CLDN14: variants seen among roughly 807,000 people sequenced by gnomAD.
CLDN14 encodes claudin-14.
A neutral mutation model predicts 2.1 loss-of-function variants in CLDN14; 2 were observed. The observed-to-expected ratio is 0.96, with a 90% CI of 0.39 to 3.01. CLDN14 has a LOEUF of 3.01. CLDN14 is among the 30% of genes most tolerant of loss of function. The pLI, the probability that CLDN14 is intolerant of heterozygous loss-of-function variation, is 0.09. For missense variants in CLDN14, 298 were observed against 328.0 expected (o/e 0.91, Z 0.71); for synonymous variants, 136 against 154.4 (o/e 0.88, Z 0.88).
intron 1 of CLDN14, among the ~76,000 whole-genome samples, chr21:36,537,860 A>T (rs1413970475): frequency 6.6e-6 from 1 of 152,024 alleles, no homozygotes; most frequent in East Asian, 1.9e-4. Context: ...ATGTTGGTCA[A>T]GCTGGTCTCG....
At chr21:36,567,181 C>G (rs1215218728) in intron 1 of CLDN14, among the ~76,000 whole-genome samples, 1 of 152,218 alleles carries the variant, frequency 6.6e-6, no homozygotes, top group Non-Finnish European at 1.5e-5. Flanking sequence ...TACCCTGCCT[C>G]ACGTTGGAGC....
chr21:36,464,222 C>T (rs1448543038), intron 1 of CLDN14, among the ~76,000 whole-genome samples: 2 of 152,178 alleles, frequency 1.3e-5, no homozygotes, highest in African/African-American at 2.4e-5. Flanking sequence ...TTCCCCTTTG[C>T]CTTCTGCCGT....
chr21:36,528,053 T>C (rs1049562554), intron 1 of CLDN14, among the ~76,000 whole-genome samples: 1 of 152,246 alleles, frequency 6.6e-6, no homozygotes, highest in Non-Finnish European at 1.5e-5. Flanking sequence ...TTAAAAATCT[T>C]AGTAATTTCT....
chr21:36,499,275 G>T lies in CLDN14; in HGVS notation c.-82+11088C>A, dbSNP rs79807401. Among the ~76,000 whole-genome samples, 1 of 152,076 alleles carries T rather than the reference G, an allele frequency of 6.6e-6. No homozygotes were observed. Among genetic ancestry groups the T allele is most frequent in the African/African-American group, 2.4e-5 (1 of 41,414 alleles). Reference sequence around the variant, plus strand: ...CAAGGTTTTTGTTTGTTTGTTTGTCGGTCTTACTCTGTCGCCCAGGCTGGA... The same window carrying T: ...CAAGGTTTTTGTTTGTTTGTTTGTCTGTCTTACTCTGTCGCCCAGGCTGGA... On this transcript the variant is annotated intron_variant, in intron 2 of 2. Transcript: ENST00000342108. The surrounding 1 kb of genome is among the most constrained non-coding windows in gnomAD (Gnocchi z 4.7).
At chr21:36,539,498 A>AGTGTGTG (rs1568874663) in intron 1 of CLDN14, among the ~76,000 whole-genome samples, 32 of 20,574 alleles carry the variant, frequency 1.6e-3, no homozygotes, top group Admixed American at 3.4e-3. Flanking sequence ...GTGTGTGTGC[A>AGTGTGTG]GAGTGTGTGG....
chr21:36,568,136 GC>G (rs758023700), intron 1 of CLDN14, among the ~76,000 whole-genome samples: 4 of 152,144 alleles, frequency 2.6e-5, no homozygotes, highest in Non-Finnish European at 4.4e-5. Flanking sequence ...GATGGGGTAA[GC>G]CAGCTTGACC....
chr21:36,464,397 T>C (rs1324963722), intron 1 of CLDN14, among the ~76,000 whole-genome samples: 1 of 152,236 alleles, frequency 6.6e-6, no homozygotes, highest in Non-Finnish European at 1.5e-5. Flanking sequence ...CTGCTGTTTT[T>C]CTGCTGCTGC....
chr21:36,533,697 G>C (rs189813363), intron 1 of CLDN14, among the ~76,000 whole-genome samples: 85 of 152,158 alleles, frequency 5.6e-4, no homozygotes, highest in African/African-American at 1.8e-3. Flanking sequence ...GTAGGAACGT[G>C]GGTGGAGCTG....
chr21:36,514,487 G>A (rs966444999), intron 1 of CLDN14, among the ~76,000 whole-genome samples: 2 of 152,192 alleles, frequency 1.3e-5, no homozygotes, highest in South Asian at 4.1e-4. Context: ...TGGTAGATGA[G>A]TCTCCCTGAA....
intron 1 of CLDN14, among the ~76,000 whole-genome samples, chr21:36,530,824 C>T (rs2087373885): frequency 6.6e-6 from 1 of 151,878 alleles, no homozygotes; most frequent in East Asian, 1.9e-4. Context: ...AAACAGCCCC[C>T]CAAAAAGAAA....
chr21:36,475,449 A>C lies in CLDN14; in HGVS notation c.-82+4046T>G, dbSNP rs2086765867. 2.6e-5 allele frequency among the ~76,000 whole-genome samples: 4 copies of C among 152,322 alleles called. No homozygotes were observed. The South Asian group carries it at 8.3e-4, about 32-fold the overall frequency. ...ATCCGGATGCCCTGGCTACCTCCAG[A>C]GATTCTGATTCGCTGACTGGGGTGG... On this transcript the variant is annotated intron_variant, in intron 1 of 1. Coordinates refer to ENST00000399135, the MANE Select transcript of CLDN14 (RefSeq NM_001146079.2).
At chr21:36,465,217 T>C (rs1381612126) in intron 1 of CLDN14, among the ~76,000 whole-genome samples, 1 of 152,168 alleles carries the variant, frequency 6.6e-6, no homozygotes, top group East Asian at 1.9e-4. Flanking sequence ...GGTCCAAGCA[T>C]AATGGGGCTT....
intron 2 of CLDN14, among the ~76,000 whole-genome samples, chr21:36,502,490 G>T (rs912155804): frequency 1.3e-5 from 2 of 152,188 alleles, no homozygotes; most frequent in African/African-American, 4.8e-5. Flanking sequence ...TGATATCTTA[G>T]ATTGCTTTCT....
intron 2 of CLDN14, among the ~76,000 whole-genome samples, chr21:36,506,314 C>T (rs78869417): frequency 5.6e-4 from 86 of 152,300 alleles, no homozygotes; most frequent in South Asian, 1.2e-3. Context: ...AGAACAAATG[C>T]AGTCAGGTAC....
chr21:36,567,386 AG>A (rs1294090500), intron 1 of CLDN14, among the ~76,000 whole-genome samples: 1 of 152,254 alleles, frequency 6.6e-6, no homozygotes, highest in African/African-American at 2.4e-5. Context: ...AAGAGCTCCA[AG>A]GGGAGCCAAC....
chr21:36,570,983 A>C (rs540901487), intron 1 of CLDN14, among the ~76,000 whole-genome samples: 1 of 152,320 alleles, frequency 6.6e-6, no homozygotes, highest in East Asian at 1.9e-4. Context: ...CTGGGATTAC[A>C]GGCACTCGCC....
At chr21:36,529,336 T>A (rs927296173) in intron 1 of CLDN14, among the ~76,000 whole-genome samples, 3 of 152,130 alleles carry the variant, frequency 2.0e-5, no homozygotes, top group African/African-American at 7.2e-5. Context: ...TCGCCCAGGC[T>A]AGAGTGCAGT....
At chr21:36,534,475 C>A (rs1419417197) in intron 1 of CLDN14, among the ~76,000 whole-genome samples, 1 of 152,178 alleles carries the variant, frequency 6.6e-6, no homozygotes, top group African/African-American at 2.4e-5. Flanking sequence ...GGGTTTAGGA[C>A]AACTCCCCGT....
intron 1 of CLDN14, among the ~76,000 whole-genome samples, chr21:36,539,588 G>C (rs1371627336): frequency 6.8e-6 from 1 of 148,134 alleles, no homozygotes; most frequent in Non-Finnish European, 1.5e-5. Context: ...TGTGTGGAGT[G>C]AGTGTGTGTG....
Sources: allele counts gnomAD v4.1 joint callset (sites outside exome capture counted in the v4.1 genomes callset), GRCh38; gene constraint gnomAD v4.1.1; non-coding constraint Gnocchi (gnomAD v3.1); transcripts MANE v1.5; gene names NCBI Gene and HGNC (gene_info 2026-07-23, HGNC 2026-07-21).